Variants in ARAP2 observed in about 807,000 individuals in gnomAD.
The protein encoded by ARAP2 is ArfGAP with RhoGAP domain, ankyrin repeat and PH domain 2, also known as arf-GAP with Rho-GAP domain, ANK repeat and PH domain-containing protein 2.
In ARAP2, 148 loss-of-function variants were observed where a neutral mutation model predicts 194.5. That is an observed-to-expected ratio of 0.76 (90% CI 0.67 to 0.87). The LOEUF (loss-of-function observed/expected upper bound fraction) is 0.87, where lower values mean the gene tolerates loss of function less well. ARAP2 is among the 40% of genes least tolerant of loss of function. The pLI, the probability that ARAP2 is intolerant of heterozygous loss-of-function variation, is 0.00. For missense variants in ARAP2, 2,128 were observed against 1,989.7 expected (o/e 1.07, Z -1.32); for synonymous variants, 695 against 683.5 (o/e 1.02, Z -0.26).
chr4:36,122,771 C>A (rs767392676), intron 22 of ARAP2, among the ~76,000 whole-genome samples: 22 of 151,560 alleles, frequency 1.5e-4, no homozygotes, highest in East Asian at 7.8e-4. Context: ...ACAAAAAAAA[C>A]CAAAACAACT....
At chr4:36,141,542 C>A (rs1264802519) in intron 19 of ARAP2, among the ~76,000 whole-genome samples, 1 of 151,622 alleles carries the variant, frequency 6.6e-6, no homozygotes, top group African/African-American at 2.4e-5. Context: ...AAATATCTAT[C>A]TAAATAGTGA....
At chr4:36,198,229 T>C (rs370348440) in intron 6 of ARAP2, among the ~76,000 whole-genome samples, 1 of 152,124 alleles carries the variant, frequency 6.6e-6, no homozygotes, top group African/African-American at 2.4e-5. Context: ...TGGCCATGGG[T>C]AGCTCCTCCC....
chr4:36,027,535 C>T (rs1718132921), intron 5 of ARAP2, among the ~76,000 whole-genome samples: 1 of 151,850 alleles, frequency 6.6e-6, no homozygotes, highest in Admixed American at 6.6e-5. Context: ...TTGCCTACTC[C>T]CTCTTTTTGG....
intron 2 of ARAP2, among the ~76,000 whole-genome samples, chr4:36,225,605 T>A (rs760774097): frequency 1.3e-5 from 2 of 152,042 alleles, no homozygotes; most frequent in Non-Finnish European, 2.9e-5. Context: ...CAGGCAGGAA[T>A]TCAGGGAAGA....
intron 5 of ARAP2, among the ~76,000 whole-genome samples, chr4:36,036,228 A>T (rs1719895353): frequency 1.3e-5 from 2 of 152,154 alleles, no homozygotes; most frequent in Non-Finnish European, 2.9e-5. Context: ...ATTGATATTT[A>T]GATTGGGATC....
chr4:36,037,635 T>C (rs1720156484), intron 5 of ARAP2, among the ~76,000 whole-genome samples: 2 of 152,140 alleles, frequency 1.3e-5, no homozygotes, highest in African/African-American at 4.8e-5. Flanking sequence ...TTGGATTTTG[T>C]GTACTTATAC....
intron 6 of ARAP2, among the ~76,000 whole-genome samples, chr4:36,209,082 A>G (rs1395018351): frequency 6.6e-6 from 1 of 152,142 alleles, no homozygotes; most frequent in Non-Finnish European, 1.5e-5. Flanking sequence ...CTCACCTGGG[A>G]CGCACAGGAA....
At chr4:36,061,910 C>G (rs924825722), downstream of ARAP2, among the ~76,000 whole-genome samples, 1 of 152,148 alleles carries the variant, frequency 6.6e-6, no homozygotes, top group Admixed American at 6.5e-5. Context: ...TTATGTTGAG[C>G]ATCTTTTCAT....
At chr4:36,128,775 A>G (rs746585445) in intron 20 of ARAP2, 30 bp from the exon 21 acceptor site, 1 of 1,531,268 alleles carries the variant, frequency 6.5e-7, no homozygotes, top group Admixed American at 1.9e-5. Flanking sequence ...GTTATACTTT[A>G]AAAGTCTAAA....
At chr4:36,093,520 A>C (rs900225473) in intron 27 of ARAP2, among the ~76,000 whole-genome samples, 2 of 152,142 alleles carry the variant, frequency 1.3e-5, no homozygotes, top group Non-Finnish European at 2.9e-5. Context: ...CACTAAAAAA[A>C]TTGTGATTAT....
At chr4:36,118,270 C>T (rs1721858244) in intron 24 of ARAP2, among the ~76,000 whole-genome samples, 2 of 133,046 alleles carry the variant, frequency 1.5e-5, no homozygotes, top group African/African-American at 5.5e-5. Flanking sequence ...AGGAAGGACA[C>T]ATTTTAAAAC....
Position 36,066,544 on chromosome 4 carries a change from T to C in ARAP2, c.*1363A>G, listed in dbSNP as rs997506206. The C allele has an allele frequency of 6.6e-6, 1 of 151,328 alleles. No homozygotes were observed. The highest frequency in any genetic ancestry group is 2.4e-5 in the African/African-American group (1 of 41,124). 9.4% of individuals were successfully genotyped at this position (151,328 alleles called of 1,614,324 possible). ...TGACTGAAGTATGGGCCTGTGAATATAGATTGAAAAATAAAAAAGAAATGC... is the reference window on the plus strand; with the variant it reads ...TGACTGAAGTATGGGCCTGTGAATACAGATTGAAAAATAAAAAAGAAATGC... On this transcript the variant is annotated 3_prime_UTR_variant, in exon 33 of 33. Transcript: ENST00000303965.
At chr4:36,114,131 ATAAG>A in intron 26 of ARAP2, 35 bp downstream of exon 26, 1 of 1,324,498 alleles carries the variant, frequency 7.6e-7, no homozygotes, top group Non-Finnish European at 1.1e-6. Context: ...TTTTTACAGT[ATAAG>A]TAATTTAAGA....
chr4:36,039,825 G>C (rs1413322029), intron 5 of ARAP2, among the ~76,000 whole-genome samples: 1 of 152,152 alleles, frequency 6.6e-6, no homozygotes, highest in Non-Finnish European at 1.5e-5. Flanking sequence ...TGTCAGATAA[G>C]GATGGAAGAG....
chr4:36,171,763 C>A (rs186477684), intron 9 of ARAP2, among the ~76,000 whole-genome samples: 11 of 151,560 alleles, frequency 7.3e-5, no homozygotes, highest in Admixed American at 5.9e-4. Flanking sequence ...TTATTTTATA[C>A]CTTTTGAATT....
At chr4:36,192,453 G>A (rs533247288) in intron 7 of ARAP2, among the ~76,000 whole-genome samples, 1 of 152,030 alleles carries the variant, frequency 6.6e-6, no homozygotes, top group Non-Finnish European at 1.5e-5. Flanking sequence ...GTTTGACACA[G>A]TTACTAGAAA....
chr4:36,006,983 G>A lies in ARAP2; in HGVS notation n.1389C>T, dbSNP rs1478065875. 3 of 152,080 alleles carry A rather than the reference G, an allele frequency of 2.0e-5. No individual in the cohort carries two copies. In the East Asian group the frequency reaches 5.8e-4, roughly 29 times the overall value. 9.4% of individuals were successfully genotyped at this position (152,080 alleles called of 1,614,324 possible). ...GAGTAGCTTGAGTCTAAGAATTCAA[G>A]GCTGCAGTGAACTGTGATCAGGCCA... On this transcript the variant is annotated non_coding_transcript_exon_variant, in exon 10 of 13. Coordinates refer to the ARAP2 transcript ENST00000503225.
chr4:36,240,524 T>G (rs1753308767), intron 1 of ARAP2, among the ~76,000 whole-genome samples: 1 of 152,206 alleles, frequency 6.6e-6, no homozygotes, highest in South Asian at 2.1e-4. Context: ...CTGTGTGGCC[T>G]TGGGAGAATT....
chr4:36,190,392 A>G (rs1470480370), intron 7 of ARAP2, among the ~76,000 whole-genome samples: 1 of 152,210 alleles, frequency 6.6e-6, no homozygotes, highest in Non-Finnish European at 1.5e-5. Flanking sequence ...ATTTATCTAC[A>G]TTCCTCACCA....
Sources: allele counts gnomAD v4.1 joint callset (sites outside exome capture counted in the v4.1 genomes callset), GRCh38; gene constraint gnomAD v4.1.1; transcripts MANE v1.5; gene names NCBI Gene and HGNC (gene_info 2026-07-23, HGNC 2026-07-21).